Variants in NKTR observed in about 807,000 individuals in gnomAD.
NKTR encodes the protein NK-tumor recognition protein.
A neutral mutation model predicts 156.3 loss-of-function variants in NKTR; 67 were observed. That is an observed-to-expected ratio of 0.43 (90% confidence interval 0.35 to 0.53). The LOEUF is 0.53. Ranked by LOEUF, NKTR falls within the 20% of genes least tolerant of loss-of-function variation. The pLI is 0.01. For missense variants in NKTR, 1,604 were observed against 1,730.9 expected (o/e 0.93, Z 1.30); for synonymous variants, 640 against 596.6 (o/e 1.07, Z -1.06).
intron 2 of NKTR, among the ~76,000 whole-genome samples, chr3:42,610,237 C>T (rs2125767329): frequency 6.6e-6 from 1 of 152,172 alleles, no homozygotes; most frequent in South Asian, 2.1e-4. Flanking sequence ...CTCCCGACCT[C>T]AGGTGATCCG....
Position 42,600,981 on chromosome 3 carries a change from C to G in NKTR, c.-23-3C>G. Reference sequence around the variant, plus strand: ...TGACCGCTTTTCTCCCCCTCTCTCCCAGCTCTTGCCGCCACCTCGGTCGCG... The same window carrying G: ...TGACCGCTTTTCTCCCCCTCTCTCCGAGCTCTTGCCGCCACCTCGGTCGCG... On this transcript the variant is annotated splice_polypyrimidine_tract_variant and splice_region_variant and intron_variant, in intron 1 of 16. Coordinates refer to ENST00000232978, the MANE Select transcript of NKTR (RefSeq NM_005385.4). 2 of 1,537,416 alleles carry G rather than the reference C, an allele frequency of 1.3e-6. No individual in the cohort carries two copies. Among genetic ancestry groups the G allele is most frequent in the South Asian group, 1.2e-5 (1 of 82,620 alleles).
chr3:42,615,095 T>C (rs1707221539), intron 2 of NKTR, among the ~76,000 whole-genome samples: 1 of 151,916 alleles, frequency 6.6e-6, no homozygotes, highest in South Asian at 2.1e-4. Flanking sequence ...TTTTTTTTTT[T>C]TAAGATGGAA....
chr3:42,637,623 C>T lies in NKTR; in HGVS notation c.1919C>T (p.Thr640Ile). 6.2e-7 allele frequency: 1 copy of T among 1,610,370 alleles called. No homozygotes were observed. The highest frequency in any genetic ancestry group is 8.5e-7 in the Non-Finnish European group (1 of 1,179,034). ...YERIQEMKAKTTHLLPIQSTY... is the reference protein window; with the variant it reads ...YERIQEMKAKITHLLPIQSTY... Reference sequence around the variant, plus strand: ...CGAATTCAGGAAATGAAAGCTAAAACAACCCATTTGCTACCCATCCAAAGC... The same window carrying T: ...CGAATTCAGGAAATGAAAGCTAAAATAACCCATTTGCTACCCATCCAAAGC... The change falls in exon 13 of 17, where the codon ACA (threonine) becomes ATA (isoleucine). Residue 640 changes from threonine (T) to isoleucine (I), a missense_variant. By Grantham distance (89) the Thr-to-Ile change is moderately conservative. Around this residue, in one of 6 missense-constraint regions of NKTR, gnomAD observed 1,255 missense variants for 1,243.7 expected, o/e 1.01. Coordinates refer to ENST00000232978, the MANE Select transcript of NKTR (RefSeq NM_005385.4).
chr3:42,620,858 T>C, intron 5 of NKTR: 7 of 978,974 alleles, frequency 7.2e-6, no homozygotes, highest in Non-Finnish European at 8.5e-6. Context: ...TAAATTTTTG[T>C]TTCACAGGGC....
Position 42,639,253 on chromosome 3 carries a change from C to A in NKTR, c.3549C>A (p.Ser1183=), listed in dbSNP as rs534986299. Residue 1183 remains serine, a synonymous_variant, in exon 13 of 17, where the codon TCC becomes TCA. Transcript: ENST00000232978. ...TAGTAAAACAGGAAAGCAGCATGTC[C>A]GAAAGTAAAGTGTTGGGTGAAGTGG... ...AEVVKQESSM[S]ESKVLGEVGK... 1.7e-5 allele frequency: 28 copies of A among 1,614,086 alleles called. No individual in the cohort carries two copies. Among genetic ancestry groups the A allele is most frequent in the African/African-American group, 4.0e-5 (3 of 74,996 alleles).
rs1268729264 is a variant in NKTR, at chr3:42,632,471, A to G, written c.551-130A>G. ...GTAATTTTATTATAAACTTGAAAAA[A>G]ACTGTCTACATTTCATTTTTTGTTT... On this transcript the variant is annotated intron_variant, in intron 8 of 16. Coordinates refer to ENST00000232978, the MANE Select transcript of NKTR (RefSeq NM_005385.4). The G allele has an allele frequency of 4.9e-6, 3 of 615,550 alleles. No homozygotes were observed. In the East Asian group the frequency reaches 8.5e-5, roughly 17 times the overall value. The allele number at this position is 615,550 out of a possible 1,614,324, so 38.1% of individuals were successfully genotyped here. A position where few individuals can be genotyped will look rare whatever the true frequency, so the allele number is the denominator to read the frequency against.
intron 2 of NKTR, chr3:42,601,433 C>A (rs903525672): frequency 1.2e-5 from 2 of 170,906 alleles, no homozygotes; most frequent in African/African-American, 4.7e-5. Flanking sequence ...TATGAAGTTT[C>A]AACTAGTAGG....
At chr3:42,606,861 C>A (rs914022834) in intron 2 of NKTR, among the ~76,000 whole-genome samples, 1 of 151,514 alleles carries the variant, frequency 6.6e-6, no homozygotes, top group South Asian at 2.1e-4. Context: ...AAAAAAATTT[C>A]GTTTGGCTTT....
At position 42,628,277 on chromosome 3, in the gene NKTR, C is replaced by T. The variant is rs114962836; in HGVS notation, c.375-2269C>T. 4.6e-3 allele frequency: 4,578 copies of T among 985,266 alleles called. 169 individuals carry two copies. The African/African-American group carries it at 0.072, about 15-fold the overall frequency. The allele number at this position is 985,266 out of a possible 1,614,324, so 61.0% of individuals were successfully genotyped here. A position where few individuals can be genotyped will look rare whatever the true frequency, so the allele number is the denominator to read the frequency against. On this transcript the variant is annotated intron_variant, in intron 6 of 16. Coordinates refer to ENST00000232978, the MANE Select transcript of NKTR (RefSeq NM_005385.4). The stretch of plus-strand genomic sequence containing the variant: ...CTGAGTTGTCCTTGAAATAGTCATT[C>T]GTGTCTTCATTTGTTTTCTGCACTA...
At chr3:42,631,532 T>C (rs1192193970) in intron 8 of NKTR, among the ~76,000 whole-genome samples, 4 of 152,226 alleles carry the variant, frequency 2.6e-5, no homozygotes, top group Non-Finnish European at 2.9e-5. Context: ...GTATTTTGTG[T>C]CTGGATTATT....
At chr3:42,632,429 A>G (rs1709006767) in intron 8 of NKTR, 172 bp from the exon 9 acceptor site, 2 of 569,798 alleles carry the variant, frequency 3.5e-6, no homozygotes, top group Admixed American at 3.2e-5. Context: ...GGGACTTACT[A>G]CCTTACAATC....
In NKTR at chr3:42,638,749, C is replaced by T; in HGVS notation, c.3045C>T (p.His1015=). 1 of 1,614,022 alleles carries T rather than the reference C, an allele frequency of 6.2e-7. No homozygotes were observed. Among genetic ancestry groups the T allele is most frequent in the Non-Finnish European group, 8.5e-7 (1 of 1,180,030 alleles). ...CTCCAAAACGAAAGCAAGCATTTCA[C>T]TGGCAGCCTCCACTAGAATTTGGTG... ...HKAPKRKQAF[H]WQPPLEFGEE... The change falls in exon 13 of 17, where the codon CAC becomes CAT. Residue 1015 remains histidine (H), a synonymous_variant. Transcript: ENST00000232978.
Position 42,632,054 on chromosome 3 carries a change from T to C in NKTR, c.551-547T>C, listed in dbSNP as rs75751402. Among the ~76,000 whole-genome samples, 559 of 149,860 alleles carry C rather than the reference T, an allele frequency of 3.7e-3. 4 individuals are homozygous for C. Among genetic ancestry groups the C allele is most frequent in the African/African-American group, 0.013 (540 of 40,568 alleles). ...TAGCACTTAATCATTTGTCATATTATGCAATTCTTTTTTTTTTTTTTTTTT... is the reference window on the plus strand; with the variant it reads ...TAGCACTTAATCATTTGTCATATTACGCAATTCTTTTTTTTTTTTTTTTTT... On this transcript the variant is annotated intron_variant, in intron 8 of 16. Transcript: ENST00000232978.
At chr3:42,629,046 C>T in intron 6 of NKTR, 1 of 894,290 alleles carries the variant, frequency 1.1e-6, no homozygotes, top group South Asian at 5.2e-5. Context: ...TTACATCTTT[C>T]ATATAATAGA....
chr3:42,609,079 G>T (rs529811562), intron 2 of NKTR, among the ~76,000 whole-genome samples: 1 of 151,344 alleles, frequency 6.6e-6, no homozygotes, highest in East Asian at 1.9e-4. Flanking sequence ...AGTGAGCAGA[G>T]ATCATACCAC....
intron 14 of NKTR, 99 bp from the exon 15 acceptor site, chr3:42,643,240 G>GTA: frequency 1.1e-6 from 1 of 893,120 alleles, no homozygotes; most frequent in East Asian, 2.5e-5. Context: ...GGATTTCACT[G>GTA]TATTTTCACC....
At chr3:42,631,466 C>G in intron 8 of NKTR, 150 bp downstream of exon 8, 1 of 895,450 alleles carries the variant, frequency 1.1e-6, no homozygotes. Context: ...TTTAGCATAT[C>G]TTGTCAGATC....
intron 2 of NKTR, among the ~76,000 whole-genome samples, chr3:42,613,570 CAT>C (rs1481882879): frequency 6.6e-6 from 1 of 152,170 alleles, no homozygotes; most frequent in Non-Finnish European, 1.5e-5. Flanking sequence ...GTACATAATA[CAT>C]GTCTCCTTTT....
Position 42,638,667 on chromosome 3 carries a change from A to G in NKTR, c.2963A>G (p.Glu988Gly). Residue 988 changes from glutamate (E) to glycine (G), a missense_variant, in exon 13 of 17, where the codon GAA (glutamate) becomes GGA (glycine). Glu to Gly is a moderately conservative substitution (Grantham distance 98). This residue lies in a region of NKTR where 1,255 missense variants were observed against 1,243.7 expected (regional missense o/e 1.01). Coordinates refer to ENST00000232978, the MANE Select transcript of NKTR (RefSeq NM_005385.4). Reference protein sequence around the residue: ...KHGSKENLKREHTKKVKEKLK... With the variant: ...KHGSKENLKRGHTKKVKEKLK... Reference sequence around the variant, plus strand: ...GGGTCAAAGGAAAATCTTAAAAGAGAACACACCAAAAAAGTGAAAGAGAAA... The same window carrying G: ...GGGTCAAAGGAAAATCTTAAAAGAGGACACACCAAAAAAGTGAAAGAGAAA... The G allele has an allele frequency of 2.5e-6, 4 of 1,611,918 alleles. No individual in the cohort carries two copies. The highest frequency in any genetic ancestry group is 3.4e-6 in the Non-Finnish European group (4 of 1,179,536).
Sources: allele counts gnomAD v4.1 joint callset (sites outside exome capture counted in the v4.1 genomes callset), GRCh38; gene constraint gnomAD v4.1.1; regional missense constraint gnomAD v4.1.1; transcripts MANE v1.5; gene names NCBI Gene and HGNC (gene_info 2026-07-23, HGNC 2026-07-21).